RAB3GAP2: variants seen among roughly 807,000 people sequenced by gnomAD.
The protein encoded by RAB3GAP2 is rab3 GTPase-activating protein non-catalytic subunit.
RAB3GAP2 carries 87 observed loss-of-function variants against 185.3 expected under a neutral mutation model. That is an observed-to-expected ratio of 0.47 (90% CI 0.39 to 0.56). The LOEUF is 0.56. Ranked by LOEUF, RAB3GAP2 falls within the 20% of genes least tolerant of loss-of-function variation. The pLI, the probability that RAB3GAP2 is intolerant of heterozygous loss-of-function variation, is 0.00. For missense variants in RAB3GAP2, 1,492 were observed against 1,638.2 expected, an observed-to-expected ratio of 0.91 and a Z score of 1.54; for synonymous variants, 554 against 576.1, an observed-to-expected ratio of 0.96 and a Z score of 0.55.
chr1:220,269,984 A>T (rs1467900464), intron 1 of RAB3GAP2, among the ~76,000 whole-genome samples: 1 of 152,172 alleles, frequency 6.6e-6, no homozygotes, highest in Non-Finnish European at 1.5e-5. Flanking sequence ...TCCTTGAAAT[A>T]GTATATTTCA....
At chr1:220,244,996 T>C (rs1385295061) in intron 1 of RAB3GAP2, among the ~76,000 whole-genome samples, 1 of 152,150 alleles carries the variant, frequency 6.6e-6, no homozygotes, top group Non-Finnish European at 1.5e-5. Flanking sequence ...AAAAAACTTC[T>C]GTACAGCAAA....
intron 4 of RAB3GAP2, 47 bp from the exon 5 acceptor site, chr1:220,211,049 T>G: frequency 6.5e-7 from 1 of 1,542,956 alleles, no homozygotes; most frequent in Non-Finnish European, 8.9e-7. Context: ...AACTTACCAA[T>G]TACTTTTATT....
intron 1 of RAB3GAP2, chr1:220,254,465 C>A: frequency 1.2e-6 from 2 of 1,613,426 alleles, no homozygotes; most frequent in Non-Finnish European, 1.7e-6. Flanking sequence ...AAGTACCTGG[C>A]AAAGAATTCT....
At chr1:220,161,272 G>A (rs1194870912) in intron 28 of RAB3GAP2, among the ~76,000 whole-genome samples, 1 of 152,146 alleles carries the variant, frequency 6.6e-6, no homozygotes, top group Non-Finnish European at 1.5e-5. Flanking sequence ...GGGAGCAGTG[G>A]CCTAAAGTTG....
intron 1 of RAB3GAP2, among the ~76,000 whole-genome samples, chr1:220,262,016 G>A (rs1190394206): frequency 9.2e-5 from 14 of 151,812 alleles, no homozygotes; most frequent in Admixed American, 3.3e-4. Flanking sequence ...CAGGCCAGGC[G>A]CGGTGGCTCA....
chr1:220,220,831 T>G (rs1397214370), intron 2 of RAB3GAP2, among the ~76,000 whole-genome samples: 2 of 152,230 alleles, frequency 1.3e-5, no homozygotes, highest in Admixed American at 6.5e-5. Context: ...GCTTTCACCT[T>G]CCACCATGAT....
At chr1:220,163,026 C>A (rs780426791) in intron 27 of RAB3GAP2, among the ~76,000 whole-genome samples, 5 of 152,138 alleles carry the variant, frequency 3.3e-5, no homozygotes, top group Admixed American at 3.3e-4. Flanking sequence ...TGGCTATAGT[C>A]GCACTCGGAG....
At chr1:220,267,817 G>T in intron 1 of RAB3GAP2, 1 of 1,352,548 alleles carries the variant, frequency 7.4e-7, no homozygotes, top group Non-Finnish European at 1.1e-6. Flanking sequence ...AATGGATTCT[G>T]ACAAGGAAAT....
chr1:220,151,708 C>T lies in RAB3GAP2; in HGVS notation c.3924G>A (p.Thr1308=), dbSNP rs73098539. Residue 1308 remains threonine, a synonymous_variant, in exon 34 of 35, where the codon ACG becomes ACA. Transcript: ENST00000358951. ...GAAGCGCATGAGCCAGCCTTTGCCC[C>T]GTGAGCACCAGCAGCTGAGAGGCAA... is the stretch of plus-strand genomic sequence containing the variant. The part of the protein sequence containing the change: ...EVLASQLLVL[T]GQRLAHALLH... The T allele has an allele frequency of 1.4e-5, 23 of 1,611,970 alleles. No homozygotes were observed. The East Asian group carries it at 2.9e-4, about 20-fold the overall frequency.
intron 23 of RAB3GAP2, 106 bp from the exon 24 acceptor site, chr1:220,171,226 A>G: frequency 1.1e-6 from 1 of 951,414 alleles, no homozygotes; most frequent in Non-Finnish European, 1.7e-6. Flanking sequence ...TACATCACAA[A>G]GCAACACATA....
At chr1:220,184,589 G>A (rs1302447961) in intron 18 of RAB3GAP2, among the ~76,000 whole-genome samples, 1 of 152,032 alleles carries the variant, frequency 6.6e-6, no homozygotes, top group Non-Finnish European at 1.5e-5. Flanking sequence ...ACAGTATCAT[G>A]GAATATTGTT....
At chr1:220,254,771 G>A (rs1442059532) in intron 1 of RAB3GAP2, among the ~76,000 whole-genome samples, 1 of 151,724 alleles carries the variant, frequency 6.6e-6, no homozygotes, top group Non-Finnish European at 1.5e-5. Context: ...ACAACAGAGG[G>A]ATATGCTGTA....
rs1658094056 is a variant in RAB3GAP2, at chr1:220,167,593, T to C, written c.2889A>G (p.Arg963=). The stretch of plus-strand genomic sequence containing the variant: ...TGGGTTCATCTGGGTTTTCTGCATC[T>C]CTTTCTTCATTAGCCAGTTTTAATA... ...PEVLKLANEE[R]DAENPDEPKE... Residue 963 remains arginine, a synonymous_variant, in exon 25 of 35, where the codon AGA becomes AGG. Coordinates refer to ENST00000358951, the MANE Select transcript of RAB3GAP2 (RefSeq NM_012414.4). The C allele has an allele frequency of 6.2e-7, 1 of 1,614,098 alleles. No individual in the cohort carries two copies.
intron 1 of RAB3GAP2, among the ~76,000 whole-genome samples, chr1:220,256,343 A>G (rs905486951): frequency 6.6e-6 from 1 of 152,260 alleles, no homozygotes; most frequent in African/African-American, 2.4e-5. Flanking sequence ...AAGCAACCAT[A>G]TAAACAAGTC....
chr1:220,263,589 A>G (rs1261843198), intron 1 of RAB3GAP2, among the ~76,000 whole-genome samples: 10 of 152,090 alleles, frequency 6.6e-5, no homozygotes, highest in Non-Finnish European at 4.4e-5. Flanking sequence ...GCTGAAGATC[A>G]TCTTGACCAT....
chr1:220,270,564 A>G (rs907616867), intron 1 of RAB3GAP2, among the ~76,000 whole-genome samples: 2 of 152,176 alleles, frequency 1.3e-5, no homozygotes, highest in Admixed American at 6.5e-5. Flanking sequence ...CTCACTTACT[A>G]GTTACAATGC....
chr1:220,186,188 C>CT (rs887569862), intron 17 of RAB3GAP2, among the ~76,000 whole-genome samples: 2 of 152,134 alleles, frequency 1.3e-5, no homozygotes, highest in African/African-American at 4.8e-5. Flanking sequence ...TCTATAGGCC[C>CT]TGCTAGATGA....
intron 9 of RAB3GAP2, among the ~76,000 whole-genome samples, chr1:220,201,269 C>G (rs1333469170): frequency 6.6e-6 from 1 of 151,926 alleles, no homozygotes; most frequent in Non-Finnish European, 1.5e-5. Context: ...TGGTCTTGAA[C>G]TCTTGGGCTC....
chr1:220,246,335 G>C (rs1479715789), intron 1 of RAB3GAP2, among the ~76,000 whole-genome samples: 1 of 150,976 alleles, frequency 6.6e-6, no homozygotes, highest in Non-Finnish European at 1.5e-5. Context: ...CTGTAAACTA[G>C]TTCAACCATT....
Sources: allele counts gnomAD v4.1 joint callset (sites outside exome capture counted in the v4.1 genomes callset), GRCh38; gene constraint gnomAD v4.1.1; transcripts MANE v1.5; gene names NCBI Gene and HGNC (gene_info 2026-07-23, HGNC 2026-07-21).